The following SPON1 variants were observed in gnomAD, a reference collection of about 807,000 sequenced individuals.
SPON1 encodes spondin-1.
A neutral mutation model predicts 111.7 loss-of-function variants in SPON1; 52 were observed. The observed-to-expected ratio is 0.47, with a 90% CI of 0.37 to 0.59. The LOEUF is 0.59. Among genes scored for constraint, SPON1 ranks in the 20% least tolerant of loss-of-function variants. The probability of loss-of-function intolerance (pLI) is 0.00; values close to 1 mark genes in which losing one functional copy is unlikely to be tolerated. For synonymous variants in SPON1, 410 were observed against 395.8 expected (o/e 1.04, Z -0.43); for missense variants, 957 against 1,068.5 (o/e 0.90, Z 1.46).
chr11:14,028,325 A>G (rs1848533953), intron 2 of SPON1, among the ~76,000 whole-genome samples: 1 of 151,894 alleles, frequency 6.6e-6, no homozygotes, highest in Non-Finnish European at 1.5e-5. Flanking sequence ...AAAATATAAA[A>G]AATAAAAAAT....
intron 5 of SPON1, among the ~76,000 whole-genome samples, chr11:14,101,453 A>G (rs914720722): frequency 9.9e-5 from 15 of 151,976 alleles, no homozygotes; most frequent in Non-Finnish European, 1.2e-4. Flanking sequence ...CTAGTTTTCT[A>G]TTCTATGGGT....
chr11:14,254,899 C>T (rs1429682836), intron 8 of SPON1, among the ~76,000 whole-genome samples, 170 bp downstream of exon 8: 1 of 152,294 alleles, frequency 6.6e-6, no homozygotes, highest in African/African-American at 2.4e-5. Context: ...GCTCTGGGAA[C>T]TGTCTGTGCA....
At chr11:14,031,219 G>C (rs1316351000) in intron 2 of SPON1, among the ~76,000 whole-genome samples, 2 of 152,178 alleles carry the variant, frequency 1.3e-5, no homozygotes, top group Non-Finnish European at 2.9e-5. Flanking sequence ...GAGATTAATG[G>C]GGAAAGGTCT....
intron 2 of SPON1, among the ~76,000 whole-genome samples, chr11:14,029,631 GA>G (rs1424505133): frequency 2.6e-5 from 4 of 152,178 alleles, no homozygotes; most frequent in Non-Finnish European, 4.4e-5. Flanking sequence ...CCTCCCCACT[GA>G]ACTTCCTGAG....
chr11:14,075,549 GCTCCGATTTTTAAT>G, intron 4 of SPON1, 131 bp downstream of exon 4: 2 of 654,488 alleles, frequency 3.1e-6, no homozygotes, highest in Non-Finnish European at 5.4e-6. Flanking sequence ...TCCTCACGTA[GCTCCGATTTTTAAT>G]CTGGCTGTGT....
chr11:13,964,083 C>T (rs781978110), intron 1 of SPON1, among the ~76,000 whole-genome samples: 2 of 152,192 alleles, frequency 1.3e-5, no homozygotes, highest in Admixed American at 1.3e-4. Flanking sequence ...CAGCACCGAT[C>T]TGAAGACGCC....
At chr11:14,236,407 C>A (rs1276853145) in intron 6 of SPON1, among the ~76,000 whole-genome samples, 2 of 151,930 alleles carry the variant, frequency 1.3e-5, no homozygotes, top group African/African-American at 4.8e-5. Context: ...GGAGGCTGGG[C>A]TTAGGGAGGG....
At chr11:14,226,579 C>T (rs1181175846) in intron 6 of SPON1, among the ~76,000 whole-genome samples, 1 of 152,154 alleles carries the variant, frequency 6.6e-6, no homozygotes, top group African/African-American at 2.4e-5. Flanking sequence ...ATGCATATAG[C>T]TTTCACATCA....
chr11:14,130,593 G>A (rs1847517493), intron 5 of SPON1, among the ~76,000 whole-genome samples: 1 of 151,806 alleles, frequency 6.6e-6, no homozygotes, highest in Non-Finnish European at 1.5e-5. Flanking sequence ...GGACTCAACA[G>A]AGGCAAGTTG....
At chr11:14,068,043 C>T (rs1273677989) in intron 3 of SPON1, among the ~76,000 whole-genome samples, 1 of 152,208 alleles carries the variant, frequency 6.6e-6, no homozygotes, top group Non-Finnish European at 1.5e-5. Context: ...TTTAATACCT[C>T]TCACATCTAA....
intron 1 of SPON1, among the ~76,000 whole-genome samples, chr11:13,981,035 G>A (rs1848139992): frequency 6.6e-6 from 1 of 152,150 alleles, no homozygotes; most frequent in African/African-American, 2.4e-5. Context: ...CTTTTATGCA[G>A]GCAGTAAAGT....
chr11:14,020,927 A>G (rs1349413923), intron 2 of SPON1, among the ~76,000 whole-genome samples: 3 of 152,230 alleles, frequency 2.0e-5, no homozygotes, highest in African/African-American at 7.2e-5. Flanking sequence ...GGATGCAGAT[A>G]TAAGTGAAAT....
chr11:14,245,765 T>G (rs1168055708), intron 7 of SPON1, among the ~76,000 whole-genome samples: 1 of 152,082 alleles, frequency 6.6e-6, no homozygotes, highest in Non-Finnish European at 1.5e-5. Context: ...GGATCCTCCC[T>G]AAGGAAGCTC....
At chr11:14,187,782 C>CTT (rs35855997) in intron 6 of SPON1, among the ~76,000 whole-genome samples, 19 of 146,618 alleles carry the variant, frequency 1.3e-4, no homozygotes, top group Admixed American at 4.7e-4. Flanking sequence ...GCCCAGCTAA[C>CTT]TTTTTTTTTT....
chr11:14,129,492 C>T (rs1554927339), intron 5 of SPON1, among the ~76,000 whole-genome samples: 3 of 152,124 alleles, frequency 2.0e-5, no homozygotes, highest in African/African-American at 7.2e-5. Flanking sequence ...TATCTGAGAC[C>T]ACTTCAACCT....
chr11:14,117,598 A>G (rs1554926116), intron 5 of SPON1, among the ~76,000 whole-genome samples: 1 of 152,220 alleles, frequency 6.6e-6, no homozygotes, highest in African/African-American at 2.4e-5. Flanking sequence ...TGGGGTTGCT[A>G]CATCTATGGT....
At chr11:14,255,500 G>T in intron 8 of SPON1, 147 bp from the exon 9 acceptor site, 1 of 686,752 alleles carries the variant, frequency 1.5e-6, no homozygotes. Context: ...CACAGTATGT[G>T]GCATGAACAC....
chr11:14,030,168 C>T (rs1156395307), intron 2 of SPON1, among the ~76,000 whole-genome samples: 4 of 152,216 alleles, frequency 2.6e-5, no homozygotes, highest in African/African-American at 9.6e-5. Flanking sequence ...TGCCTGCCCT[C>T]CTCCCACGCA....
intron 1 of SPON1, among the ~76,000 whole-genome samples, chr11:13,967,390 CT>C (rs1403620589): frequency 1.3e-5 from 2 of 152,092 alleles, no homozygotes; most frequent in Non-Finnish European, 1.5e-5. Flanking sequence ...TTCACATTTG[CT>C]GTTTTCTCTT....
Sources: gnomAD v4.1 joint callset for allele counts (sites outside exome capture counted in the v4.1 genomes callset) on GRCh38, gnomAD v4.1.1 for gene constraint, MANE v1.5 for transcripts, NCBI Gene and HGNC (gene_info 2026-07-23, HGNC 2026-07-21) for gene names.